SCFD2: variants seen among roughly 807,000 people sequenced by gnomAD.
SCFD2 encodes the protein sec1 family domain containing 2, also known as sec1 family domain-containing protein 2.
A neutral mutation model predicts 58.9 loss-of-function variants in SCFD2; 54 were observed. That is an observed-to-expected ratio of 0.92 (90% CI 0.74 to 1.15). The LOEUF (loss-of-function observed/expected upper bound fraction) is 1.15. SCFD2 is among the 50% of genes most tolerant of loss of function. The pLI is 0.00. For synonymous variants in SCFD2, 321 were observed against 335.9 expected, an observed-to-expected ratio of 0.96 and a Z score of 0.49; for missense variants, 805 against 836.6, an observed-to-expected ratio of 0.96 and a Z score of 0.47.
At chr4:53,247,148 A>G (rs1730109925) in intron 4 of SCFD2, among the ~76,000 whole-genome samples, 7 of 152,208 alleles carry the variant, frequency 4.6e-5, no homozygotes, top group Admixed American at 4.6e-4. Flanking sequence ...AAAAGCATAT[A>G]AAAAACCAGC....
chr4:53,227,866 G>T (rs1226004050), intron 4 of SCFD2, among the ~76,000 whole-genome samples: 5 of 152,074 alleles, frequency 3.3e-5, no homozygotes, highest in African/African-American at 1.2e-4. Context: ...CTTATAAACA[G>T]GCAGAGCTGC....
chr4:53,011,038 T>C (rs1722082427), intron 5 of SCFD2, among the ~76,000 whole-genome samples: 2 of 152,214 alleles, frequency 1.3e-5, no homozygotes, highest in South Asian at 4.1e-4. Context: ...CAAACACTGT[T>C]CCAAAGCACT....
chr4:52,969,898 A>G (rs1051694198), intron 5 of SCFD2, among the ~76,000 whole-genome samples: 1 of 152,246 alleles, frequency 6.6e-6, no homozygotes, highest in Non-Finnish European at 1.5e-5. Context: ...GAACTGGAAG[A>G]CAACATGCAA....
intron 5 of SCFD2, among the ~76,000 whole-genome samples, chr4:52,978,176 T>C (rs988794436): frequency 6.6e-6 from 1 of 152,040 alleles, no homozygotes; most frequent in Non-Finnish European, 1.5e-5. Flanking sequence ...AAGCAAACAG[T>C]CATCATAAGT....
intron 4 of SCFD2, among the ~76,000 whole-genome samples, chr4:53,195,475 T>C (rs1256174194): frequency 6.6e-6 from 1 of 152,130 alleles, no homozygotes; most frequent in Non-Finnish European, 1.5e-5. Context: ...GTGACCCTTC[T>C]GGTCTGGGCT....
chr4:53,089,985 T>C (rs1457435387), intron 5 of SCFD2, among the ~76,000 whole-genome samples: 1 of 152,218 alleles, frequency 6.6e-6, no homozygotes, highest in Non-Finnish European at 1.5e-5. Context: ...TATATTTGCT[T>C]CTTCTGCAGA....
intron 4 of SCFD2, among the ~76,000 whole-genome samples, chr4:53,191,715 T>C (rs1246127950): frequency 6.6e-6 from 1 of 152,134 alleles, no homozygotes; most frequent in Non-Finnish European, 1.5e-5. Context: ...GGTTATATGT[T>C]CTCTTACAGA....
intron 5 of SCFD2, among the ~76,000 whole-genome samples, chr4:53,001,154 G>A (rs1279862940): frequency 1.3e-5 from 2 of 152,140 alleles, no homozygotes; most frequent in Admixed American, 6.5e-5. Context: ...GTTTGCTGAA[G>A]GGCTGTTTAG....
At chr4:53,049,707 C>A (rs187797090) in intron 5 of SCFD2, among the ~76,000 whole-genome samples, 2 of 152,128 alleles carry the variant, frequency 1.3e-5, no homozygotes, top group Non-Finnish European at 2.9e-5. Context: ...TGAATCTTGC[C>A]TGGTTCAGCC....
At chr4:52,949,230 C>T (rs980628475) in intron 5 of SCFD2, 3 of 151,888 alleles carry the variant, frequency 2.0e-5, no homozygotes, top group African/African-American at 7.3e-5. Context: ...TTCTATAAAC[C>T]TACAAACATG....
At chr4:53,342,630 T>A (rs1577987523) in intron 2 of SCFD2, among the ~76,000 whole-genome samples, 1 of 152,210 alleles carries the variant, frequency 6.6e-6, no homozygotes, top group Non-Finnish European at 1.5e-5. Flanking sequence ...TACAGAACTC[T>A]CTAACTGAAA....
At chr4:53,072,183 C>G (rs182615099) in intron 5 of SCFD2, among the ~76,000 whole-genome samples, 2 of 152,014 alleles carry the variant, frequency 1.3e-5, no homozygotes, top group African/African-American at 4.8e-5. Flanking sequence ...AAGAAGAGGC[C>G]CAGATGAGAG....
chr4:53,208,386 A>G (rs577106700), intron 4 of SCFD2, among the ~76,000 whole-genome samples: 1 of 152,286 alleles, frequency 6.6e-6, no homozygotes, highest in African/African-American at 2.4e-5. Context: ...AATGATCTAT[A>G]CATATTTACT....
intron 2 of SCFD2, among the ~76,000 whole-genome samples, chr4:53,315,384 C>A (rs1215939196): frequency 6.6e-6 from 1 of 151,826 alleles, no homozygotes; most frequent in East Asian, 1.9e-4. Context: ...CCAAGGTGCA[C>A]GGGGAGGGGC....
chr4:53,017,804 G>C (rs568490825), intron 5 of SCFD2, among the ~76,000 whole-genome samples: 1 of 152,240 alleles, frequency 6.6e-6, no homozygotes, highest in African/African-American at 2.4e-5. Context: ...CCTGGGTATT[G>C]TTCCTTGAAG....
chr4:53,083,793 G>C (rs1354480647), intron 5 of SCFD2, among the ~76,000 whole-genome samples: 3 of 152,126 alleles, frequency 2.0e-5, no homozygotes, highest in Non-Finnish European at 4.4e-5. Flanking sequence ...TTTTATTAAG[G>C]GTTTCAAAAG....
At chr4:52,983,858 A>G (rs1721431513) in intron 5 of SCFD2, among the ~76,000 whole-genome samples, 1 of 152,326 alleles carries the variant, frequency 6.6e-6, no homozygotes, top group African/African-American at 2.4e-5. Flanking sequence ...TATTTGTTTT[A>G]GGAGTTAACC....
intron 5 of SCFD2, among the ~76,000 whole-genome samples, chr4:53,038,270 T>G (rs1271332358): frequency 1.3e-5 from 2 of 152,170 alleles, no homozygotes; most frequent in African/African-American, 2.4e-5. Flanking sequence ...TTTACTGGAA[T>G]CCAATAGAAC....
rs1441979072 is a variant in SCFD2, at chr4:53,350,231, T to C, written c.1007+2367A>G. On this transcript the variant is annotated intron_variant, in intron 2 of 8. Transcript: ENST00000401642. Reference sequence around the variant, plus strand: ...ACCCCTCCGCCATGCCATATGATATTAGCATAATTCTAGTCAGTATAAACA... The same window carrying C: ...ACCCCTCCGCCATGCCATATGATATCAGCATAATTCTAGTCAGTATAAACA... Among the ~76,000 whole-genome samples, 3 of 152,124 alleles carry C rather than the reference T, an allele frequency of 2.0e-5. No individual in the cohort carries two copies. The East Asian group carries it at 5.8e-4, about 29-fold the overall frequency.
Sources: allele counts gnomAD v4.1 joint callset (sites outside exome capture counted in the v4.1 genomes callset), GRCh38; gene constraint gnomAD v4.1.1; transcripts MANE v1.5; gene names NCBI Gene and HGNC (gene_info 2026-07-23, HGNC 2026-07-21).